Variants in TCF4 observed in about 807,000 individuals in gnomAD.
TCF4 encodes SL3-3 enhancer factor 2.
In TCF4, 3 loss-of-function variants were observed where a neutral mutation model predicts 82.1. That is an observed-to-expected ratio of 0.04 (90% CI 0.02 to 0.09). The LOEUF (loss-of-function observed/expected upper bound fraction) is 0.09, where lower values mean the gene tolerates loss of function less well. Ranked by LOEUF, TCF4 falls within the 10% of genes least tolerant of loss-of-function variation. The pLI is 1.00. For missense variants in TCF4, 518 were observed against 852.7 expected (o/e 0.61, Z 4.89); for synonymous variants, 276 against 309.6 (o/e 0.89, Z 1.14).
chr18:55,546,144 T>C (rs941978846), intron 3 of TCF4, among the ~76,000 whole-genome samples: 13 of 151,966 alleles, frequency 8.6e-5, no homozygotes, highest in African/African-American at 2.9e-4. Context: ...GAGACCAGCC[T>C]CCGTAACAAA....
At chr18:55,360,328 A>C (rs2084769632) in intron 6 of TCF4, among the ~76,000 whole-genome samples, 1 of 152,228 alleles carries the variant, frequency 6.6e-6, no homozygotes, top group Non-Finnish European at 1.5e-5. Context: ...CTAGAGACAG[A>C]ACTTAGATAA....
chr18:55,285,597 C>T (rs1713662616), intron 8 of TCF4, among the ~76,000 whole-genome samples: 1 of 152,204 alleles, frequency 6.6e-6, no homozygotes, highest in South Asian at 2.1e-4. Context: ...AAGTTCTCAA[C>T]AGCACATACA....
intron 8 of TCF4, among the ~76,000 whole-genome samples, chr18:55,338,704 CCCA>C (rs1165460548): frequency 7.2e-5 from 11 of 152,112 alleles, no homozygotes; most frequent in Admixed American, 7.2e-4. Flanking sequence ...TATTCTCCCC[CCCA>C]CAACAAATTC....
intron 15 of TCF4, among the ~76,000 whole-genome samples, chr18:55,249,874 A>C (rs529695837): frequency 1.2e-4 from 19 of 152,350 alleles, no homozygotes; most frequent in African/African-American, 4.6e-4. Flanking sequence ...CAGTTAAAAA[A>C]GCGGTTAGGT....
intron 6 of TCF4, chr18:55,401,154 G>A (rs1199113986): frequency 1.6e-6 from 2 of 1,282,912 alleles, no homozygotes; most frequent in African/African-American, 3.0e-5. Context: ...CTGATTCACT[G>A]GAAGACACAC....
At chr18:55,323,083 T>C (rs1351011624) in intron 8 of TCF4, among the ~76,000 whole-genome samples, 1 of 152,162 alleles carries the variant, frequency 6.6e-6, no homozygotes, top group East Asian at 1.9e-4. Context: ...TATTTATTTA[T>C]TGTCTTTTAA....
chr18:55,259,678 G>T, intron 13 of TCF4: 1 of 414,372 alleles, frequency 2.4e-6, no homozygotes. Flanking sequence ...GGTGTCTTCT[G>T]CAGAGCTAAG....
intron 10 of TCF4, among the ~76,000 whole-genome samples, chr18:55,274,214 C>T (rs1159335225): frequency 6.6e-6 from 1 of 152,076 alleles, no homozygotes; most frequent in African/African-American, 2.4e-5. Flanking sequence ...TGATATTTCT[C>T]TAAGCTTTCA....
At chr18:55,428,046 A>C (rs754719576) in intron 5 of TCF4, among the ~76,000 whole-genome samples, 47 of 152,242 alleles carry the variant, frequency 3.1e-4, no homozygotes, top group Non-Finnish European at 5.0e-4. Context: ...GTCAGATGAA[A>C]GACAACTCAA....
intron 8 of TCF4, among the ~76,000 whole-genome samples, chr18:55,312,920 T>G (rs887309304): frequency 2.4e-4 from 36 of 152,282 alleles, no homozygotes; most frequent in Middle Eastern, 6.8e-3. Context: ...ACAGCTGTGA[T>G]CATTTTAAAT....
intron 3 of TCF4, among the ~76,000 whole-genome samples, chr18:55,579,628 G>A (rs2097558729): frequency 6.6e-6 from 1 of 151,916 alleles, no homozygotes; most frequent in South Asian, 2.1e-4. Flanking sequence ...AACACACCAT[G>A]TTCCTTATTA....
intron 5 of TCF4, among the ~76,000 whole-genome samples, chr18:55,446,073 C>A (rs1254320789): frequency 6.6e-6 from 1 of 152,024 alleles, no homozygotes; most frequent in African/African-American, 2.4e-5. Flanking sequence ...TAATGTTTTT[C>A]CCCCTTCCTG....
intron 3 of TCF4, among the ~76,000 whole-genome samples, chr18:55,539,599 T>C (rs671308): frequency 6.6e-6 from 1 of 151,948 alleles, no homozygotes; most frequent in African/African-American, 2.4e-5. Flanking sequence ...CAATCAAAAA[T>C]TAGAAACACA....
chr18:55,395,191 T>C (rs557538222), intron 6 of TCF4, among the ~76,000 whole-genome samples: 4 of 152,326 alleles, frequency 2.6e-5, no homozygotes, highest in South Asian at 4.1e-4. Context: ...AAGGAGGCTA[T>C]AGAGCTACAC....
chr18:55,467,325 C>T (rs1377242), intron 3 of TCF4, among the ~76,000 whole-genome samples: 6,361 of 152,248 alleles, frequency 0.042, 130 homozygotes, highest in Non-Finnish European at 0.049. Context: ...TCCTCAATAA[C>T]TATTCCAGTG....
chr18:55,340,945 C>A lies in TCF4; in HGVS notation c.549+9414G>T, dbSNP rs180764207. ...AGTTGATCAGATTTCATACTCTAAC[C>A]ACTATATTATACTGTCTTTGTTTAC... On this transcript the variant is annotated intron_variant, in intron 8 of 19. Transcript: ENST00000354452. Among the ~76,000 whole-genome samples, 423 of 152,224 alleles carry A rather than the reference C, an allele frequency of 2.8e-3. 3 individuals carry two copies. Among genetic ancestry groups the A allele is most frequent in the African/African-American group, 9.3e-3 (387 of 41,532 alleles).
At chr18:55,463,674 C>T (rs1303940173) in intron 4 of TCF4, among the ~76,000 whole-genome samples, 2 of 152,108 alleles carry the variant, frequency 1.3e-5, no homozygotes, top group Non-Finnish European at 1.5e-5. Flanking sequence ...TCTATTCACA[C>T]CAATACCTTA....
chr18:55,377,163 C>T (rs1230799110), intron 6 of TCF4, among the ~76,000 whole-genome samples: 1 of 152,200 alleles, frequency 6.6e-6, no homozygotes, highest in African/African-American at 2.4e-5. Context: ...GCGTCTGATT[C>T]ACTTGATGAG....
rs189089539 is a variant in TCF4 at position 55,294,256 on chromosome 18, T to C, written c.550-14600A>G. ...GCCTGGGCGACAGAGTGAGAATCTG[T>C]CTCAAAAAAAAAGAAAAAAAAGAAA... is the stretch of plus-strand genomic sequence containing the variant. On this transcript the variant is annotated intron_variant, in intron 8 of 19. Coordinates refer to ENST00000354452, the MANE Select transcript of TCF4 (RefSeq NM_001083962.2). Among the ~76,000 whole-genome samples the C allele has an allele frequency of 4.4e-3, 654 of 150,002 alleles. 6 individuals are homozygous for C. Among genetic ancestry groups the C allele is most frequent in the African/African-American group, 0.015 (626 of 40,932 alleles).
Sources: allele counts gnomAD v4.1 joint callset (sites outside exome capture counted in the v4.1 genomes callset), GRCh38; gene constraint gnomAD v4.1.1; transcripts MANE v1.5; gene names NCBI Gene and HGNC (gene_info 2026-07-23, HGNC 2026-07-21).